Variants in SLC35A2 observed in about 807,000 individuals in gnomAD.
SLC35A2 encodes solute carrier family 35 member A2.
In SLC35A2, 1 loss-of-function variant was observed where a neutral mutation model predicts 17.3. The ratio of observed to expected loss-of-function variants is 0.06; its 90% CI spans 0.02 to 0.27. The LOEUF (loss-of-function observed/expected upper bound fraction) is 0.27, where lower values mean the gene tolerates loss of function less well. Among genes scored for constraint, SLC35A2 ranks in the 10% least tolerant of loss-of-function variants. The pLI, the probability that SLC35A2 is intolerant of heterozygous loss-of-function variation, is 1.00. For synonymous variants in SLC35A2, 161 were observed against 161.3 expected (o/e 1.00, Z 0.01); for missense variants, 191 against 339.3 (o/e 0.56, Z 3.43).
At chrX:48,910,381 A>G in intron 1 of SLC35A2, 7 of 787,057 alleles carry the variant, frequency 8.9e-6, no homozygotes, top group Non-Finnish European at 1.2e-5. Flanking sequence ...CTGTATGCCT[A>G]TCACTGGGTT....
chrX:48,911,945 GATC>G (rs2063540159), upstream of SLC35A2: 14 of 1,165,072 alleles, frequency 1.2e-5, no homozygotes, highest in Non-Finnish European at 1.6e-5. Context: ...GCGCTTTCCA[GATC>G]ATCCCCCGAT....
At position 48,906,376 on chromosome X, in the gene SLC35A2, T is replaced by C; in HGVS notation, c.426+16A>G. 2 of 1,207,473 alleles carry C rather than the reference T, an allele frequency of 1.7e-6. No individual in the cohort carries two copies. Among genetic ancestry groups the C allele is most frequent in the Non-Finnish European group, 2.2e-6 (2 of 892,173 alleles). The stretch of plus-strand genomic sequence containing the variant: ...CCAGTTAGTTCCTCTGGGGCCATGC[T>C]GGGCTTGGGGCTCACCTGGAAAGTG... On this transcript the variant is annotated intron_variant, in intron 3 of 4. Transcript: ENST00000247138.
chrX:48,907,392 C>A (rs188222982), intron 2 of SLC35A2, among the ~76,000 whole-genome samples: 1 of 107,445 alleles, frequency 9.3e-6, no homozygotes, highest in Admixed American at 1.0e-4. Flanking sequence ...GGACTACAGG[C>A]GCGTGCCACC....
At chrX:48,904,556 C>T (rs2063471208) in intron 4 of SLC35A2, 190 bp downstream of exon 4, 1 of 1,184,128 alleles carries the variant, frequency 8.4e-7, no homozygotes, top group East Asian at 3.1e-5. Flanking sequence ...GTTCACGTGA[C>T]ACCCAGCTCT....
chrX:48,907,859 T>C (rs1466424833), intron 2 of SLC35A2, among the ~76,000 whole-genome samples: 1 of 109,624 alleles, frequency 9.1e-6, no homozygotes, highest in African/African-American at 3.3e-5. Flanking sequence ...CCGTCTCTAC[T>C]AAAAATACAA....
At chrX:48,906,169 C>A in intron 3 of SLC35A2, 1 of 455,469 alleles carries the variant, frequency 2.2e-6, no homozygotes, top group Non-Finnish European at 3.9e-6. Flanking sequence ...GGGCTCTTCA[C>A]AGGTATTATT....
Position 48,911,553 on chromosome X carries a change from G to A in SLC35A2, c.84C>T (p.Ala28=). 1.7e-6 allele frequency: 2 copies of A among 1,161,577 alleles called. No homozygotes were observed. The highest frequency in any genetic ancestry group is 6.5e-5 in the East Asian group (2 of 30,902). Residue 28 remains alanine, a synonymous_variant, in exon 1 of 5, where the codon GCC becomes GCT. Transcript: ENST00000247138. ...VSAGALEPGT[A]SAAHRRLKYI... ...TCGGGCAGACTGTCTCACCCGCACT[G>A]GCGGTCCCCGGCTCCAATGCACCCG...
chrX:48,905,563 C>G, intron 3 of SLC35A2, 81 bp from the exon 4 acceptor site: 1 of 935,722 alleles, frequency 1.1e-6, no homozygotes, highest in Non-Finnish European at 1.4e-6. Flanking sequence ...CCACTGTGGG[C>G]CCCCAGGCAC....
At position 48,905,344 on chromosome X, in the gene SLC35A2, C is replaced by G. The variant is rs781797423; in HGVS notation, c.565G>C (p.Gly189Arg). 1.7e-6 allele frequency: 2 copies of G among 1,184,691 alleles called. No individual in the cohort carries two copies. The highest frequency in any genetic ancestry group is 1.9e-5 in the South Asian group (1 of 53,799). Residue 189 changes from glycine to arginine, a missense_variant, in exon 4 of 5, where the codon GGG becomes CGG. By Grantham distance (125) the Gly-to-Arg change is moderately radical. Transcript: ENST00000247138. ...VAIVQAQQAG[G>R]GGPRPLDQNP... ...TGATCCAGTGGCCGTGGGCCTCCCC[C>G]ACCGGCTTGCTGTGCCTGGACAATG...
intron 3 of SLC35A2, chrX:48,906,116 A>C: frequency 2.3e-6 from 1 of 428,393 alleles, no homozygotes; most frequent in South Asian, 3.6e-5. Context: ...CCATTTCACA[A>C]AGCTGCCCAC....
At chrX:48,909,737 C>T (rs782231588) in intron 2 of SLC35A2, 77 bp downstream of exon 2, 1 of 922,614 alleles carries the variant, frequency 1.1e-6, no homozygotes, top group African/African-American at 1.9e-5. Flanking sequence ...CTGAAGCAAA[C>T]CATCTGTGTG....
rs781966086 is a variant in SLC35A2, at chrX:48,910,038, AAGCCGCTG to A, written c.92-50_92-43del. On this transcript the variant is annotated intron_variant, in intron 1 of 4. Coordinates refer to ENST00000247138, the MANE Select transcript of SLC35A2 (RefSeq NM_005660.3). ...GGGCAAGGGGGAAGGACGGGGTCAG[AAGCCGCTG>A]GGGCATAGCCACACCACCACCCACC... is the stretch of plus-strand genomic sequence containing the variant. The A allele has an allele frequency of 3.6e-6, 4 of 1,112,243 alleles. No homozygotes were observed. The African/African-American group carries it at 7.2e-5, about 20-fold the overall frequency. 91.7% of individuals were successfully genotyped at this position (1,112,243 alleles called of 1,213,427 possible).
intron 1 of SLC35A2, among the ~76,000 whole-genome samples, chrX:48,910,610 T>A (rs1001934856): frequency 9.0e-6 from 1 of 111,154 alleles, no homozygotes; most frequent in Admixed American, 9.5e-5. Flanking sequence ...TTCTCCTATC[T>A]AAGAAATGAT....
Position 48,905,441 on chromosome X carries a change from G to A in SLC35A2, c.468C>T (p.Ser156=), listed in dbSNP as rs782359755. 5.1e-6 allele frequency: 6 copies of A among 1,171,182 alleles called. No individual in the cohort carries two copies. Among genetic ancestry groups the A allele is most frequent in the South Asian group, 2.0e-5 (1 of 51,195 alleles). The change falls in exon 4 of 5, where the codon TCC becomes TCT. Residue 156 remains serine, a synonymous_variant. Coordinates refer to ENST00000247138, the MANE Select transcript of SLC35A2 (RefSeq NM_005660.3). ...AAAGGCTGCGATTCAGCATGAGCAC[G>A]GAGAACAGCGCTGTGGTCAGGATCT... is the stretch of plus-strand genomic sequence containing the variant. ...QLKILTTALF[S]VLMLNRSLSR...
rs1289943183 is a variant in SLC35A2, at chrX:48,904,043, GAT to G, written c.1164-580_1164-579del. 24 of 758,735 alleles carry G rather than the reference GAT, an allele frequency of 3.2e-5. No homozygotes were observed. In the African/African-American group the frequency reaches 4.4e-4, roughly 14 times the overall value. The allele number at this position is 758,735 out of a possible 1,213,427, so 62.5% of individuals were successfully genotyped here. A position where few individuals can be genotyped will look rare whatever the true frequency, so the allele number is the denominator to read the frequency against. On this transcript the variant is annotated intron_variant, in intron 4 of 4. Transcript: ENST00000247138. ...TTTTCCCACACCCTGGATCATTAATGATATGATTACACCACAAATCCCAAGTC... is the reference window on the plus strand; with the variant it reads ...TTTTCCCACACCCTGGATCATTAATGATGATTACACCACAAATCCCAAGTC...
chrX:48,905,521 G>A, intron 3 of SLC35A2, 39 bp from the exon 4 acceptor site: 1 of 1,106,348 alleles, frequency 9.0e-7, no homozygotes, highest in South Asian at 2.2e-5. Flanking sequence ...GGCTGACCCT[G>A]GCCCCCAACA....
At chrX:48,911,894 C>A (rs782040460), upstream of SLC35A2, 1 of 1,166,069 alleles carries the variant, frequency 8.6e-7, no homozygotes, top group East Asian at 3.3e-5. Flanking sequence ...ATTCCTGTCA[C>A]TAGACCCGCC....
rs782763371 is a variant in SLC35A2, at chrX:48,904,641, C to T, written c.1163+105G>A. The T allele has an allele frequency of 3.0e-5, 36 of 1,206,007 alleles. No homozygotes were observed. Among genetic ancestry groups the T allele is most frequent in the East Asian group, 6.0e-5 (2 of 33,575 alleles). ...TCCCAAACCCAGAGGAGCCAGGCCC[C>T]GGAGGGTGGCGACTTGGGTCCTGCA... On this transcript the variant is annotated intron_variant, in intron 4 of 4. Coordinates refer to ENST00000247138, the MANE Select transcript of SLC35A2 (RefSeq NM_005660.3).
intron 4 of SLC35A2, chrX:48,903,770 G>GCA: frequency 2.2e-5 from 20 of 919,885 alleles, no homozygotes; most frequent in East Asian, 1.9e-4. Flanking sequence ...CATCTTCCAT[G>GCA]CACACACACA....
Sources: gnomAD v4.1 joint callset for allele counts (sites outside exome capture counted in the v4.1 genomes callset) on GRCh38, gnomAD v4.1.1 for gene constraint, MANE v1.5 for transcripts, NCBI Gene and HGNC (gene_info 2026-07-23, HGNC 2026-07-21) for gene names.